The following SLC36A1 variants were observed in gnomAD, a reference collection of about 807,000 sequenced individuals.
The protein encoded by SLC36A1 is solute carrier family 36 member 1, also known as proton-coupled amino acid transporter 1.
SLC36A1 carries 30 observed loss-of-function variants against 47.5 expected under a neutral mutation model. The ratio of observed to expected loss-of-function variants is 0.63; its 90% CI spans 0.47 to 0.86. The LOEUF (loss-of-function observed/expected upper bound fraction) is 0.86, where lower values mean the gene tolerates loss of function less well. Among genes scored for constraint, SLC36A1 ranks in the 40% least tolerant of loss-of-function variants. The pLI is 0.00. For missense variants in SLC36A1, 517 were observed against 606.0 expected (o/e 0.85, Z 1.54); for synonymous variants, 255 against 249.7 (o/e 1.02, Z -0.20).
chr5:151,392,981 T>C, the SLC36A1 span, among the ~76,000 whole-genome samples: 1 of 152,066 alleles, frequency 6.6e-6, no homozygotes, highest in African/African-American at 2.4e-5. Flanking sequence ...CTCATTGATC[T>C]GTCTAATGTT....
chr5:151,436,919 A>G (rs1759803288), upstream of SLC36A1: 1 of 151,876 alleles, frequency 6.6e-6, no homozygotes, highest in Non-Finnish European at 1.5e-5. Flanking sequence ...TGGCTCCTAC[A>G]TCCTCACTTT....
rs1197888042 is a variant in SLC36A1, at chr5:151,452,762, C to T, written c.-6+4949C>T. 3.3e-5 allele frequency among the ~76,000 whole-genome samples: 5 copies of T among 150,942 alleles called. No homozygotes were observed. In the South Asian group the frequency reaches 6.3e-4, roughly 19 times the overall value. ...ATGGACGCCTGTAATCCCAGCCACTCGGGAGGCTGAGGCAGGAGAATCGCT... is the reference window on the plus strand; with the variant it reads ...ATGGACGCCTGTAATCCCAGCCACTTGGGAGGCTGAGGCAGGAGAATCGCT... On this transcript the variant is annotated intron_variant, in intron 1 of 10. Transcript: ENST00000243389.
chr5:151,386,555 C>G, the SLC36A1 span, among the ~76,000 whole-genome samples: 8 of 151,420 alleles, frequency 5.3e-5, no homozygotes, highest in South Asian at 1.7e-3. Context: ...GGTGTAGAAC[C>G]CATTTTTGCT....
the SLC36A1 span, among the ~76,000 whole-genome samples, chr5:151,418,687 A>G: frequency 0.17 from 25,528 of 152,176 alleles, 2,388 homozygotes; most frequent in East Asian, 0.38. Context: ...TAGGTGGAAA[A>G]GACTTGCTTT....
At chr5:151,360,072 G>A in the SLC36A1 span, among the ~76,000 whole-genome samples, 307 of 152,226 alleles carry the variant, frequency 2.0e-3, 3 homozygotes, top group African/African-American at 7.0e-3. Context: ...TCCATTGTAT[G>A]TCAAATACTT....
the SLC36A1 span, chr5:151,510,366 A>G: frequency 1.4e-5 from 8 of 579,204 alleles, no homozygotes; most frequent in African/African-American, 9.4e-5. Context: ...CCTGCCCTCA[A>G]ACAGCTTACA....
the SLC36A1 span, among the ~76,000 whole-genome samples, chr5:151,367,361 A>ATTTTTTTTTTTTTTTTTT: frequency 0.042 from 4,946 of 117,644 alleles, 210 homozygotes; most frequent in Non-Finnish European, 0.057. Context: ...CCAGGAATGC[A>ATTTTTTTTTTTTTTTTTT]TTTTTTTTTT....
Position 151,463,267 on chromosome 5 carries a change from C to T in SLC36A1, c.144-286C>T, listed in dbSNP as rs552226394. ...GAGTGTCTGAAGAGAGTTGGAGCAC[C>T]CCTCTGGTCTAATCTCTGAGAGAAG... On this transcript the variant is annotated intron_variant, in intron 2 of 10. Transcript: ENST00000243389. 3.9e-5 allele frequency among the ~76,000 whole-genome samples: 6 copies of T among 152,220 alleles called. No homozygotes were observed. The East Asian group carries it at 9.6e-4, about 24-fold the overall frequency.
At chr5:151,381,023 T>C in the SLC36A1 span, 1 of 401,106 alleles carries the variant, frequency 2.5e-6, no homozygotes, top group South Asian at 2.2e-5. Context: ...TGCTCTCTTG[T>C]TGAAGAGGCG....
At chr5:151,479,935 G>A in intron 10 of SLC36A1, 3 of 574,690 alleles carry the variant, frequency 5.2e-6, no homozygotes, top group Non-Finnish European at 8.9e-6. Flanking sequence ...CTTTATGATA[G>A]TATTCTAGAC....
At chr5:151,402,179 G>A in the SLC36A1 span, among the ~76,000 whole-genome samples, 999 of 152,256 alleles carry the variant, frequency 6.6e-3, 9 homozygotes, top group South Asian at 0.011. Context: ...CTAGTTTATT[G>A]AAGGTTTTAA....
chr5:151,509,927 C>T, the SLC36A1 span: 1 of 1,431,142 alleles, frequency 7.0e-7, no homozygotes, highest in Non-Finnish European at 9.6e-7. Flanking sequence ...CTGCAGCACT[C>T]TCCCCTGGCC....
the SLC36A1 span, chr5:151,531,628 C>T: frequency 1.9e-6 from 3 of 1,613,450 alleles, no homozygotes; most frequent in Non-Finnish European, 2.5e-6. The surrounding 1 kb of genome is among the most constrained non-coding windows in gnomAD (Gnocchi z 5.7). Flanking sequence ...CTCGTTCCCG[C>T]TGACCACGCG....
At position 151,488,134 on chromosome 5, in the gene SLC36A1, C is replaced by T. The variant is rs369528924; in HGVS notation, c.1311C>T (p.Asp437=). ...EGMSPLTIFK[D]ALISILGFVG... is the part of the protein sequence containing the mutation. Reference sequence around the variant, plus strand: ...TGAGCCCCCTCACCATCTTTAAGGACGCCCTGATCAGCATCCTGGGCTTCG... The same window carrying T: ...TGAGCCCCCTCACCATCTTTAAGGATGCCCTGATCAGCATCCTGGGCTTCG... Residue 437 remains aspartate, a synonymous_variant, in exon 11 of 11, where the codon GAC becomes GAT. Coordinates refer to ENST00000243389, the MANE Select transcript of SLC36A1 (RefSeq NM_078483.4). 4.4e-5 allele frequency: 71 copies of T among 1,614,082 alleles called. No individual in the cohort carries two copies. Among genetic ancestry groups the T allele is most frequent in the East Asian group, 6.7e-5 (3 of 44,890 alleles).
chr5:151,441,419 A>G (rs74786100), intron 1 of SLC36A1, among the ~76,000 whole-genome samples: 3,711 of 152,328 alleles, frequency 0.024, 160 homozygotes, highest in African/African-American at 0.085. Flanking sequence ...AAGAAGACCT[A>G]TGAAAAAACA....
chr5:151,379,864 G>A, the SLC36A1 span, among the ~76,000 whole-genome samples: 1 of 152,044 alleles, frequency 6.6e-6, no homozygotes, highest in Non-Finnish European at 1.5e-5. Flanking sequence ...GCTCAATGTG[G>A]CTAGCAACTA....
At chr5:151,537,017 G>T in the SLC36A1 span, among the ~76,000 whole-genome samples, 1 of 152,008 alleles carries the variant, frequency 6.6e-6, no homozygotes, top group South Asian at 2.1e-4. Context: ...CTTACCCCTG[G>T]CTAACACTTC....
At chr5:151,522,205 G>T in the SLC36A1 span, 2 of 748,450 alleles carry the variant, frequency 2.7e-6, no homozygotes, top group Non-Finnish European at 4.2e-6. Flanking sequence ...TTGAGGGCTG[G>T]CTCAGCGCAT....
chr5:151,362,374 G>C, the SLC36A1 span, among the ~76,000 whole-genome samples: 1 of 145,240 alleles, frequency 6.9e-6, no homozygotes. Flanking sequence ...TTCTTCCTTT[G>C]CTTGATTGAT....
Sources: allele counts gnomAD v4.1 joint callset (sites outside exome capture counted in the v4.1 genomes callset), GRCh38; gene constraint gnomAD v4.1.1; non-coding constraint Gnocchi (gnomAD v3.1); transcripts MANE v1.5; gene names NCBI Gene and HGNC (gene_info 2026-07-23, HGNC 2026-07-21).